The following PIK3C2A variants were observed in gnomAD, a reference collection of about 807,000 sequenced individuals.
The protein encoded by PIK3C2A is phosphatidylinositol 4-phosphate 3-kinase C2 domain-containing subunit alpha.
In PIK3C2A, 97 loss-of-function variants were observed where a neutral mutation model predicts 204.5. The ratio of observed to expected loss-of-function variants is 0.47; its 90% confidence interval spans 0.40 to 0.56. The LOEUF (loss-of-function observed/expected upper bound fraction) is 0.56. Ranked by LOEUF, PIK3C2A falls within the 20% of genes least tolerant of loss-of-function variation. The probability of loss-of-function intolerance (pLI) is 0.00; values close to 1 mark genes in which losing one functional copy is unlikely to be tolerated. For synonymous variants in PIK3C2A, 653 were observed against 664.4 expected (o/e 0.98, Z 0.26); for missense variants, 1,735 against 1,969.2 (o/e 0.88, Z 2.25).
Position 17,127,107 on chromosome 11 carries a change from T to C in PIK3C2A, c.2399+2193A>G, listed in dbSNP as rs141684284. On this transcript the variant is annotated intron_variant, in intron 13 of 32. Transcript: ENST00000691414. ...TATTCTGTTTTAGAGTAGTAATGTA[T>C]TATATTTAGCAAAAGGTTCCTAATA... Among the ~76,000 whole-genome samples the C allele has an allele frequency of 4.2e-3, 640 of 152,278 alleles. 4 individuals are homozygous for C. The highest frequency in any genetic ancestry group is 0.014 in the Middle Eastern group (4 of 294).
rs1262595857 is a variant in PIK3C2A at position 17,105,235 on chromosome 11, G to C, written c.3615C>G (p.Ser1205=). The C allele has an allele frequency of 6.2e-7, 1 of 1,610,660 alleles. No individual in the cohort carries two copies. Among genetic ancestry groups the C allele is most frequent in the East Asian group, 2.2e-5 (1 of 44,820 alleles). The change falls in exon 23 of 33, where the codon TCC becomes TCG. Residue 1205 remains serine, a synonymous_variant. Transcript: ENST00000691414. ...KIQVEYGVTG[S]FKDKPLAEWL... Reference sequence around the variant, plus strand: ...ACTCTGCAAGTGGTTTATCTTTAAAGGATCCTGTCACACCATATTCCACTT... The same window carrying C: ...ACTCTGCAAGTGGTTTATCTTTAAACGATCCTGTCACACCATATTCCACTT...
At chr11:17,092,415 C>T (rs1848335792) in intron 28 of PIK3C2A, 139 bp from the exon 29 acceptor site, 1 of 612,524 alleles carries the variant, frequency 1.6e-6, no homozygotes, top group Non-Finnish European at 2.9e-6. Context: ...CACGGTGGCT[C>T]ATGGCCTTTG....
At chr11:17,117,703 TC>T in intron 18 of PIK3C2A, 32 bp from the exon 19 acceptor site, 2 of 1,016,942 alleles carry the variant, frequency 2.0e-6, no homozygotes, top group Admixed American at 2.7e-5. Context: ...GTTAGTCACG[TC>T]TTGGTTTTTT....
In PIK3C2A at chr11:17,132,039, C is replaced by T; in HGVS notation, c.2109-1G>A. 1 of 1,493,122 alleles carries T rather than the reference C, an allele frequency of 6.7e-7. No homozygotes were observed. 92.5% of individuals were successfully genotyped at this position (1,493,122 alleles called of 1,614,324 possible). On this transcript the variant is annotated splice_acceptor_variant, in intron 11 of 32. Transcript: ENST00000691414. LOFTEE classifies it high-confidence loss of function. ...ACATATCAAGTAGTATTTTTCATAA[C>T]TGAGAAAAGAAAGTTTAACTTGATT...
intron 4 of PIK3C2A, 81 bp downstream of exon 4, chr11:17,150,417 T>G: frequency 7.8e-7 from 1 of 1,285,072 alleles, no homozygotes; most frequent in Admixed American, 2.8e-5. Flanking sequence ...AATTGGTTTA[T>G]TAAAAGAATG....
chr11:17,189,765 A>G (rs553381414), intron 1 of PIK3C2A, among the ~76,000 whole-genome samples: 1 of 143,742 alleles, frequency 7.0e-6, no homozygotes, highest in Non-Finnish European at 1.5e-5. Flanking sequence ...GTGAGCTGAA[A>G]TTGAGCCACT....
At chr11:17,150,695 A>T in intron 3 of PIK3C2A, 40 bp from the exon 4 acceptor site, 1 of 1,490,282 alleles carries the variant, frequency 6.7e-7, no homozygotes, top group Non-Finnish European at 9.1e-7. Flanking sequence ...TTTTTTAAAA[A>T]AACTTCATTT....
chr11:17,171,867 G>A (rs1241197360), intron 1 of PIK3C2A, among the ~76,000 whole-genome samples: 2 of 152,118 alleles, frequency 1.3e-5, no homozygotes, highest in African/African-American at 2.4e-5. Context: ...TGCCTCAGCT[G>A]GGATTACAGG....
intron 13 of PIK3C2A, among the ~76,000 whole-genome samples, chr11:17,123,806 T>C (rs1565257811): frequency 6.6e-6 from 1 of 152,132 alleles, no homozygotes; most frequent in East Asian, 1.9e-4. Flanking sequence ...TGCCCTAGAC[T>C]ACTAATTTAT....
intron 1 of PIK3C2A, among the ~76,000 whole-genome samples, chr11:17,181,770 T>C (rs1851576316): frequency 6.6e-6 from 1 of 151,756 alleles, no homozygotes; most frequent in South Asian, 2.1e-4. Flanking sequence ...GCTTACATTA[T>C]GGCAAAACTG....
At chr11:17,200,697 CACA>C (rs1310376529) in intron 1 of PIK3C2A, among the ~76,000 whole-genome samples, 1 of 152,138 alleles carries the variant, frequency 6.6e-6, no homozygotes, top group South Asian at 2.1e-4. Context: ...GTGGCAGTTA[CACA>C]ACTGTCACTG....
chr11:17,105,103 A>T, intron 23 of PIK3C2A, 66 bp downstream of exon 23: 1 of 1,286,500 alleles, frequency 7.8e-7, no homozygotes, highest in South Asian at 1.2e-5. Flanking sequence ...GGAAAATGAA[A>T]GAACTTAAAA....
intron 27 of PIK3C2A, among the ~76,000 whole-genome samples, chr11:17,096,430 G>GAT (rs1046681317): frequency 2.6e-5 from 4 of 152,056 alleles, no homozygotes; most frequent in Non-Finnish European, 5.9e-5. Context: ...CAAATTTGGG[G>GAT]ATATATATAT....
At chr11:17,114,524 A>C (rs1849117223) in intron 19 of PIK3C2A, 59 bp from the exon 20 acceptor site, 1 of 809,380 alleles carries the variant, frequency 1.2e-6, no homozygotes. Flanking sequence ...TATTTTTCAG[A>C]CAAGTTATGC....
chr11:17,115,040 T>G (rs1849133783), intron 19 of PIK3C2A, among the ~76,000 whole-genome samples: 1 of 152,170 alleles, frequency 6.6e-6, no homozygotes, highest in Admixed American at 6.5e-5. Context: ...TAATTAAGAT[T>G]GTATGTAATA....
At chr11:17,101,139 A>C in intron 25 of PIK3C2A, 139 bp downstream of exon 25, 1 of 490,736 alleles carries the variant, frequency 2.0e-6, no homozygotes, top group Non-Finnish European at 3.6e-6. Context: ...CAGTAAGTTT[A>C]AAATATCTGA....
chr11:17,131,879 C>T (rs1849706924), intron 12 of PIK3C2A, 37 bp downstream of exon 12: 2 of 1,564,210 alleles, frequency 1.3e-6, no homozygotes, highest in South Asian at 1.2e-5. Context: ...AACAACAGGA[C>T]ACACTGAAAG....
At chr11:17,194,260 A>T (rs923860562) in intron 1 of PIK3C2A, 4 of 327,490 alleles carry the variant, frequency 1.2e-5, no homozygotes, top group Non-Finnish European at 2.3e-5. Context: ...CTTCAGTTCC[A>T]GCTCAGGTTC....
chr11:17,136,739 T>C (rs1419876278), intron 8 of PIK3C2A, 114 bp from the exon 9 acceptor site: 6 of 536,664 alleles, frequency 1.1e-5, no homozygotes, highest in Admixed American at 7.5e-5. Flanking sequence ...TCCTCTACTC[T>C]TTTGTGATGA....
Sources: gnomAD v4.1 joint callset for allele counts (sites outside exome capture counted in the v4.1 genomes callset) on GRCh38, gnomAD v4.1.1 for gene constraint, MANE v1.5 for transcripts, NCBI Gene and HGNC (gene_info 2026-07-23, HGNC 2026-07-21) for gene names.